KATNAL2: variants seen among roughly 807,000 people sequenced by gnomAD.
KATNAL2 encodes the protein katanin p60 ATPase-containing subunit A-like 2.
A neutral mutation model predicts 76.3 loss-of-function variants in KATNAL2; 52 were observed. That is an observed-to-expected ratio of 0.68 (90% CI 0.55 to 0.86). The LOEUF (loss-of-function observed/expected upper bound fraction) is 0.86, where lower values mean the gene tolerates loss of function less well. Among genes scored for constraint, KATNAL2 ranks in the 40% least tolerant of loss-of-function variants. The pLI is 0.00. For synonymous variants in KATNAL2, 243 were observed against 244.2 expected (o/e 1.00, Z 0.05); for missense variants, 660 against 668.9 (o/e 0.99, Z 0.15).
intron 1 of KATNAL2, among the ~76,000 whole-genome samples, chr18:46,938,561 C>T (rs943398963): frequency 3.3e-5 from 5 of 152,160 alleles, no homozygotes; most frequent in African/African-American, 1.2e-4. Flanking sequence ...TAACTCTGAT[C>T]GTTCTTCAAT....
chr18:47,061,400 A>AG (rs1343893508), intron 8 of KATNAL2, among the ~76,000 whole-genome samples: 2 of 152,146 alleles, frequency 1.3e-5, no homozygotes, highest in Admixed American at 1.3e-4. Flanking sequence ...ATAAACAACC[A>AG]GGTCCCTCGT....
chr18:47,085,746 T>C (rs1047185029), intron 15 of KATNAL2, among the ~76,000 whole-genome samples: 5 of 152,060 alleles, frequency 3.3e-5, no homozygotes, highest in Non-Finnish European at 7.4e-5. Flanking sequence ...CCATGTGGCG[T>C]GGCCAGGCTT....
intron 3 of KATNAL2, among the ~76,000 whole-genome samples, chr18:46,959,582 AT>A (rs1478107080): frequency 6.6e-6 from 1 of 151,908 alleles, no homozygotes; most frequent in Non-Finnish European, 1.5e-5. Context: ...TTTTAATTTA[AT>A]TTTTTTTGGA....
intron 13 of KATNAL2, among the ~76,000 whole-genome samples, chr18:47,071,666 A>T (rs2062006425): frequency 6.6e-6 from 1 of 152,138 alleles, no homozygotes. Context: ...CATACTCTTG[A>T]GACAGGACTT....
intron 13 of KATNAL2, among the ~76,000 whole-genome samples, chr18:47,073,934 C>T (rs1037601517): frequency 1.3e-5 from 2 of 152,218 alleles, no homozygotes; most frequent in Admixed American, 6.5e-5. Flanking sequence ...GGTGTTTGGT[C>T]TAGCAGAGGC....
chr18:46,959,473 A>T (rs561584990), intron 3 of KATNAL2, among the ~76,000 whole-genome samples: 1 of 152,344 alleles, frequency 6.6e-6, no homozygotes, highest in South Asian at 2.1e-4. Flanking sequence ...TTTTAAAAAA[A>T]ACTAACTGAG....
At chr18:47,036,152 T>C (rs1051266546) in intron 3 of KATNAL2, among the ~76,000 whole-genome samples, 2 of 152,198 alleles carry the variant, frequency 1.3e-5, no homozygotes, top group African/African-American at 4.8e-5. Context: ...GAATTTTTAA[T>C]ACGAGGAAAT....
At position 47,086,860 on chromosome 18, in the gene KATNAL2, C is replaced by T. The variant is rs184302163; in HGVS notation, c.1211+9399C>T. ...CTAAGCAGTAACCTTGCTCTTGCTT[C>T]GTTCACACCTTACTGTTTGATCTCA... On this transcript the variant is annotated intron_variant, in intron 15 of 17. Coordinates refer to ENST00000683218, the MANE Select transcript of KATNAL2 (RefSeq NM_001387690.1). Among the ~76,000 whole-genome samples, 5 of 152,298 alleles carry T rather than the reference C, an allele frequency of 3.3e-5. No individual in the cohort carries two copies. The East Asian group carries it at 9.7e-4, about 29-fold the overall frequency.
chr18:46,929,047 C>G lies in KATNAL2; in HGVS notation c.-510+11121C>G, dbSNP rs996699301. 4.6e-5 allele frequency among the ~76,000 whole-genome samples: 7 copies of G among 152,264 alleles called. No homozygotes were observed. The South Asian group carries it at 1.5e-3, about 32-fold the overall frequency. On this transcript the variant is annotated intron_variant, in intron 1 of 17. Coordinates refer to ENST00000683218, the MANE Select transcript of KATNAL2 (RefSeq NM_001387690.1). ...TCCTGACCTTGTGATTCACCCACCTCGGCCTCCCAAAGTGCCGGGATTACA... is the reference window on the plus strand; with the variant it reads ...TCCTGACCTTGTGATTCACCCACCTGGGCCTCCCAAAGTGCCGGGATTACA...
intron 1 of KATNAL2, among the ~76,000 whole-genome samples, chr18:46,943,858 A>G (rs924615105): frequency 2.0e-5 from 3 of 152,204 alleles, no homozygotes; most frequent in Non-Finnish European, 2.9e-5. Context: ...AACTTAGTGA[A>G]GCTAACATGC....
Position 47,069,499 on chromosome 18 carries a change from C to T in KATNAL2, c.907C>T (p.Leu303=), listed in dbSNP as rs2061923217. ...YGPPGTGKTL[L]AKAVATECKT... is the part of the protein sequence containing the mutation. The stretch of plus-strand genomic sequence containing the variant: ...CTCTTTAGGTACAGGAAAGACTTTA[C>T]TGGCCAAAGCTGTGGCCACTGAATG... The change falls in exon 13 of 18, where the codon CTG becomes TTG. Residue 303 remains leucine, a synonymous_variant. Coordinates refer to ENST00000683218, the MANE Select transcript of KATNAL2 (RefSeq NM_001387690.1). 2 of 1,611,668 alleles carry T rather than the reference C, an allele frequency of 1.2e-6. No homozygotes were observed. Among genetic ancestry groups the T allele is most frequent in the Admixed American group, 1.7e-5 (1 of 59,518 alleles).
At chr18:47,051,232 C>G (rs867936366) in intron 4 of KATNAL2, among the ~76,000 whole-genome samples, 10 of 151,992 alleles carry the variant, frequency 6.6e-5, no homozygotes, top group African/African-American at 2.4e-4. Context: ...TCGGGACCAG[C>G]CTGGGCAGCA....
Position 47,075,355 on chromosome 18 carries a change from G to A in KATNAL2, c.1087G>A (p.Gly363Ser), listed in dbSNP as rs368132958. Reference sequence around the variant, plus strand: ...GCTGGAGTCGGTGATGAGTCAGAGAGGCACAGCTTCTGGGTAACAGACAGG... The same window carrying A: ...GCTGGAGTCGGTGATGAGTCAGAGAAGCACAGCTTCTGGGTAACAGACAGG... Reference protein sequence around the residue: ...DELESVMSQRGTASGGEHEGS... With the variant: ...DELESVMSQRSTASGGEHEGS... Residue 363 changes from glycine to serine, a missense_variant, in exon 14 of 18, where the codon GGC (glycine) becomes AGC (serine). Transcript: ENST00000683218. 1.3e-6 allele frequency: 2 copies of A among 1,540,404 alleles called. No homozygotes were observed. The highest frequency in any genetic ancestry group is 4.4e-5 in the Admixed American group (2 of 45,896).
At chr18:47,098,885 T>C (rs1265516314) in intron 15 of KATNAL2, 2 of 195,968 alleles carry the variant, frequency 1.0e-5, no homozygotes, top group East Asian at 2.7e-4. Context: ...AGAATACTCA[T>C]GATTGCTGGT....
intron 1 of KATNAL2, among the ~76,000 whole-genome samples, chr18:46,918,857 A>G (rs2058313528): frequency 1.3e-5 from 2 of 151,678 alleles, no homozygotes; most frequent in African/African-American, 4.9e-5. Context: ...ACCATCCCTC[A>G]CCCACATCCC....
At chr18:47,098,169 T>C in intron 15 of KATNAL2, 1 of 332,892 alleles carries the variant, frequency 3.0e-6, no homozygotes, top group Non-Finnish European at 5.8e-6. Flanking sequence ...TACTTTTATA[T>C]TAGCTTGAAA....
rs185731467 is a variant in KATNAL2, at chr18:46,949,751, T to C, written c.51+2828T>C. On this transcript the variant is annotated intron_variant, in intron 3 of 17. Coordinates refer to ENST00000683218, the MANE Select transcript of KATNAL2 (RefSeq NM_001387690.1). ...ATCAGCAAATCTTATTGATTCTACT[T>C]CTATATTGTATCTTTAATAATCCAT... is the stretch of plus-strand genomic sequence containing the variant. Among the ~76,000 whole-genome samples the C allele has an allele frequency of 1.6e-3, 251 of 152,294 alleles. 4 individuals carry two copies. The highest frequency in any genetic ancestry group is 0.015 in the Admixed American group (224 of 15,286).
At chr18:47,037,735 C>G (rs1252124784) in intron 3 of KATNAL2, among the ~76,000 whole-genome samples, 1 of 152,186 alleles carries the variant, frequency 6.6e-6, no homozygotes, top group East Asian at 1.9e-4. Flanking sequence ...CTGCTTTACT[C>G]TTACTGAATT....
At chr18:46,922,907 ATATTT>A (rs1193320823) in intron 1 of KATNAL2, among the ~76,000 whole-genome samples, 2 of 148,154 alleles carry the variant, frequency 1.3e-5, no homozygotes, top group Non-Finnish European at 3.0e-5. Flanking sequence ...AATATAATAT[ATATTT>A]AATATATAAT....
Sources: gnomAD v4.1 joint callset for allele counts (sites outside exome capture counted in the v4.1 genomes callset) on GRCh38, gnomAD v4.1.1 for gene constraint, MANE v1.5 for transcripts, NCBI Gene and HGNC (gene_info 2026-07-23, HGNC 2026-07-21) for gene names.